SCAI: variants seen among roughly 807,000 people sequenced by gnomAD.
SCAI encodes the protein suppressor of cancer cell invasion.
In SCAI, 24 loss-of-function variants were observed where a neutral mutation model predicts 92.2. The observed-to-expected ratio is 0.26, with a 90% CI of 0.19 to 0.37. The LOEUF is 0.37. SCAI is among the 10% of genes least tolerant of loss of function. The pLI, the probability that SCAI is intolerant of heterozygous loss-of-function variation, is 1.00. For missense variants in SCAI, 450 were observed against 736.2 expected (o/e 0.61, Z 4.50); for synonymous variants, 261 against 258.6 (o/e 1.01, Z -0.09).
intron 3 of SCAI, among the ~76,000 whole-genome samples, chr9:125,048,159 G>A (rs1389194455): frequency 3.3e-5 from 5 of 152,168 alleles, no homozygotes; most frequent in African/African-American, 1.2e-4. Flanking sequence ...TGTATTTTTA[G>A]TAGAGATGGG....
chr9:124,984,594 G>A (rs368714300), intron 14 of SCAI, among the ~76,000 whole-genome samples: 3 of 152,152 alleles, frequency 2.0e-5, no homozygotes, highest in African/African-American at 7.2e-5. Flanking sequence ...AGTCAAGTAC[G>A]AAATCAAGGA....
intron 9 of SCAI, among the ~76,000 whole-genome samples, chr9:125,016,504 G>GA (rs1291441725): frequency 2.0e-5 from 3 of 151,852 alleles, no homozygotes; most frequent in East Asian, 1.9e-4. Context: ...GAAAAAATTA[G>GA]AAAAAATCAG....
At position 124,943,263 on chromosome 9, in the gene SCAI, A is replaced by G. The variant is rs1041019965; in HGVS notation, c.*9544T>C. 6.6e-6 allele frequency: 1 copy of G among 152,212 alleles called. No individual in the cohort carries two copies. Among genetic ancestry groups the G allele is most frequent in the Non-Finnish European group, 1.5e-5 (1 of 68,032 alleles). The allele number at this position is 152,212 out of a possible 1,614,324, so 9.4% of individuals were successfully genotyped here. ...AAATAGCCCCTTCAAAATTTATTCT[A>G]CTGTTAACACATATAAAAACTATGA... On this transcript the variant is annotated 3_prime_UTR_variant, in exon 18 of 18. Coordinates refer to ENST00000336505, the MANE Select transcript of SCAI (RefSeq NM_001144877.3).
Position 124,991,757 on chromosome 9 carries a change from A to G in SCAI, c.1326+3177T>C, listed in dbSNP as rs143858893. ...GAGGCTGAGGCAGGAGAATCGCTTG[A>G]ACCCAGGAAGCGGAGGTTTCAGTGA... On this transcript the variant is annotated intron_variant, in intron 14 of 17. Coordinates refer to ENST00000336505, the MANE Select transcript of SCAI (RefSeq NM_001144877.3). 3.6e-4 allele frequency among the ~76,000 whole-genome samples: 55 copies of G among 152,216 alleles called. No homozygotes were observed. The East Asian group carries it at 0.01, about 28-fold the overall frequency.
intron 7 of SCAI, among the ~76,000 whole-genome samples, chr9:125,020,065 C>G (rs12338847): frequency 0.23 from 31,398 of 138,974 alleles, 3,835 homozygotes; most frequent in African/African-American, 0.32. Flanking sequence ...AGAGCGAGAC[C>G]TTGTCTCAAA....
At chr9:125,065,682 T>C (rs1185224058) in intron 2 of SCAI, among the ~76,000 whole-genome samples, 1 of 152,134 alleles carries the variant, frequency 6.6e-6, no homozygotes, top group African/African-American at 2.4e-5. Context: ...GATACAAATA[T>C]ACTAAGCCAA....
rs556432267 is a variant in SCAI at position 125,062,515 on chromosome 9, C to T, written c.99-6508G>A. On this transcript the variant is annotated intron_variant, in intron 2 of 17. Coordinates refer to ENST00000336505, the MANE Select transcript of SCAI (RefSeq NM_001144877.3). ...CCTGTAATCTCAGCACTTTGGGAGG[C>T]CAAGGTGGGTGGATCACAAGGTCAA... Among the ~76,000 whole-genome samples, 254 of 150,816 alleles carry T rather than the reference C, an allele frequency of 1.7e-3. 1 individual carries two copies. The highest frequency in any genetic ancestry group is 3.9e-3 in the Admixed American group (59 of 15,178).
chr9:125,006,737 G>A (rs767594199), intron 9 of SCAI, among the ~76,000 whole-genome samples: 2 of 152,028 alleles, frequency 1.3e-5, no homozygotes, highest in Admixed American at 6.6e-5. Flanking sequence ...TAATCTGCCC[G>A]CCTCGGCCTC....
intron 17 of SCAI, among the ~76,000 whole-genome samples, chr9:124,967,745 A>G (rs1483339490): frequency 1.3e-5 from 2 of 152,246 alleles, no homozygotes; most frequent in African/African-American, 2.4e-5. Context: ...ACACCCTGGC[A>G]GTCACAAAGC....
At position 125,114,128 on chromosome 9, in the gene SCAI, G is replaced by A. The variant is rs142684888; in HGVS notation, c.98+28505C>T. On this transcript the variant is annotated intron_variant, in intron 2 of 17. Transcript: ENST00000336505. ...TATTTTAAATTTTCAAGGTAAATAC[G>A]GTGACATCTGTCGGATACTATGCAA... Among the ~76,000 whole-genome samples, 723 of 152,154 alleles carry A rather than the reference G, an allele frequency of 4.8e-3. 5 individuals carry two copies. Among genetic ancestry groups the A allele is most frequent in the South Asian group, 0.013 (63 of 4,818 alleles).
In SCAI at chr9:124,947,860, C is replaced by G. The variant is rs559146118; in HGVS notation, c.*4947G>C. 1 of 152,278 alleles carries G rather than the reference C, an allele frequency of 6.6e-6. No individual in the cohort carries two copies. The highest frequency in any genetic ancestry group is 1.5e-5 in the Non-Finnish European group (1 of 68,032). 9.4% of individuals were successfully genotyped at this position (152,278 alleles called of 1,614,324 possible). A position where few individuals can be genotyped will look rare whatever the true frequency, so the allele number is the denominator to read the frequency against. ...TCATATTCATATCAAATCTTTTACT[C>G]AGGGTGGGGAGGTGGTTTTGAATCA... On this transcript the variant is annotated 3_prime_UTR_variant, in exon 18 of 18. Coordinates refer to ENST00000336505, the MANE Select transcript of SCAI (RefSeq NM_001144877.3).
In SCAI at chr9:124,970,723, C is replaced by CTAAA. The variant is rs368859826; in HGVS notation, c.1674+643_1674+646dup. On this transcript the variant is annotated intron_variant, in intron 17 of 17. Transcript: ENST00000336505. ...GGGCAACATGAGTGAAACTCCATCT[C>CTAAA]TAAATAAATAAATAAATAAATAAAA... Among the ~76,000 whole-genome samples, 1,515 of 151,948 alleles carry CTAAA rather than the reference C, an allele frequency of 1.0e-2. 21 individuals carry two copies. The highest frequency in any genetic ancestry group is 0.034 in the African/African-American group (1,428 of 41,432).
chr9:125,135,971 CAAAAAAAAA>C (rs1359728011), intron 2 of SCAI, among the ~76,000 whole-genome samples: 2 of 81,086 alleles, frequency 2.5e-5, no homozygotes, highest in Admixed American at 2.8e-4. Context: ...CCATCTCAAA[CAAAAAAAAA>C]AAAAACAAAA....
chr9:124,973,320 T>C (rs1001931242), intron 15 of SCAI, among the ~76,000 whole-genome samples: 7 of 152,220 alleles, frequency 4.6e-5, no homozygotes, highest in African/African-American at 1.7e-4. Context: ...CCACTTAAAT[T>C]ACTTAACAAA....
At chr9:125,051,056 T>C (rs1833551219) in intron 3 of SCAI, among the ~76,000 whole-genome samples, 1 of 152,184 alleles carries the variant, frequency 6.6e-6, no homozygotes, top group South Asian at 2.1e-4. Context: ...AGAGTCTTGC[T>C]CTGTCACCCA....
At chr9:125,050,889 C>CA (rs1162175854) in intron 3 of SCAI, among the ~76,000 whole-genome samples, 1 of 150,862 alleles carries the variant, frequency 6.6e-6, no homozygotes, top group African/African-American at 2.4e-5. Flanking sequence ...TTTATATAAA[C>CA]AAAAAAAAGA....
chr9:124,977,505 C>A (rs1384328906), intron 14 of SCAI, among the ~76,000 whole-genome samples: 1 of 152,032 alleles, frequency 6.6e-6, no homozygotes, highest in African/African-American at 2.4e-5. Flanking sequence ...GAGACCCCGA[C>A]TCTACAAAGA....
In SCAI at chr9:125,091,735, T is replaced by C. The variant is rs143047370; in HGVS notation, c.99-35728A>G. Among the ~76,000 whole-genome samples the C allele has an allele frequency of 3.0e-3, 455 of 152,220 alleles. 5 individuals are homozygous for C. Among genetic ancestry groups the C allele is most frequent in the African/African-American group, 0.011 (440 of 41,532 alleles). ...CTTTCCAGAGCCCTATCTCACACTTTCTCTTCTCTCCTCAAACATCCAACA... is the reference window on the plus strand; with the variant it reads ...CTTTCCAGAGCCCTATCTCACACTTCCTCTTCTCTCCTCAAACATCCAACA... On this transcript the variant is annotated intron_variant, in intron 2 of 17. Transcript: ENST00000336505. The surrounding 1 kb of genome is among the most constrained non-coding windows in gnomAD (Gnocchi z 4.3).
At chr9:125,008,608 A>T (rs142734396) in intron 9 of SCAI, among the ~76,000 whole-genome samples, 80 of 152,356 alleles carry the variant, frequency 5.3e-4, no homozygotes, top group African/African-American at 1.8e-3. Flanking sequence ...ATCAGAAGAT[A>T]TGGTTAGTGA....
Sources: allele counts gnomAD v4.1 joint callset (sites outside exome capture counted in the v4.1 genomes callset), GRCh38; gene constraint gnomAD v4.1.1; non-coding constraint Gnocchi (gnomAD v3.1); transcripts MANE v1.5; gene names NCBI Gene and HGNC (gene_info 2026-07-23, HGNC 2026-07-21).